EFCAB5: variants seen among roughly 807,000 people sequenced by gnomAD.
The protein encoded by EFCAB5 is EF-hand calcium binding domain 5, also known as EF-hand calcium-binding domain-containing protein 5.
EFCAB5 carries 131 observed loss-of-function variants against 167.9 expected under a neutral mutation model. The observed-to-expected ratio is 0.78, with a 90% CI of 0.68 to 0.90. The LOEUF (loss-of-function observed/expected upper bound fraction) is 0.90. Ranked by LOEUF, EFCAB5 falls within the 40% of genes least tolerant of loss-of-function variation. The probability of loss-of-function intolerance (pLI) is 0.00; values close to 1 mark genes in which losing one functional copy is unlikely to be tolerated. For synonymous variants in EFCAB5, 574 were observed against 602.8 expected, an observed-to-expected ratio of 0.95 and a Z score of 0.70; for missense variants, 1,663 against 1,745.2, an observed-to-expected ratio of 0.95 and a Z score of 0.84.
At chr17:30,052,898 G>A (rs563551241) in intron 9 of EFCAB5, among the ~76,000 whole-genome samples, 1 of 152,316 alleles carries the variant, frequency 6.6e-6, no homozygotes, top group East Asian at 1.9e-4. Context: ...CATGAAAGAT[G>A]TGTCCCTTTT....
intron 7 of EFCAB5, among the ~76,000 whole-genome samples, chr17:30,029,261 T>C (rs2069413254): frequency 6.6e-6 from 1 of 152,196 alleles, no homozygotes; most frequent in Admixed American, 6.5e-5. Flanking sequence ...AAGTAAAAAA[T>C]GCATTTAATT....
At chr17:30,011,651 A>T (rs2068904846) in intron 7 of EFCAB5, among the ~76,000 whole-genome samples, 3 of 152,028 alleles carry the variant, frequency 2.0e-5, no homozygotes, top group Admixed American at 2.0e-4. Context: ...TTGCAGATTG[A>T]TTTTTGTATC....
intron 3 of EFCAB5, among the ~76,000 whole-genome samples, chr17:29,955,174 G>A (rs1180311748): frequency 6.6e-6 from 1 of 152,150 alleles, no homozygotes; most frequent in Non-Finnish European, 1.5e-5. Context: ...AGACTTTAGG[G>A]GACTGTTGGA....
chr17:30,045,209 G>A (rs1009774874), intron 8 of EFCAB5, among the ~76,000 whole-genome samples: 1 of 152,096 alleles, frequency 6.6e-6, no homozygotes, highest in African/African-American at 2.4e-5. Context: ...TGTAATCCTA[G>A]CACTTTGGAG....
rs554031504 is a variant in EFCAB5 at position 30,092,800 on chromosome 17, C to CT, written c.4225-39dup. 507 of 1,465,282 alleles carry CT rather than the reference C, an allele frequency of 3.5e-4. 3 individuals are homozygous for CT. In the African/African-American group the frequency reaches 6.2e-3, roughly 18 times the overall value. 90.8% of individuals were successfully genotyped at this position (1,465,282 alleles called of 1,614,324 possible). A position where few individuals can be genotyped will look rare whatever the true frequency, so the allele number is the denominator to read the frequency against. ...GAACTGGGCACTGTATTTCTGCTTCCTGGTGATCCCATAAATTTTCTCTTG... is the reference window on the plus strand; with the variant it reads ...GAACTGGGCACTGTATTTCTGCTTCCTTGGTGATCCCATAAATTTTCTCTTG... On this transcript the variant is annotated intron_variant, in intron 21 of 22. Transcript: ENST00000394835.
At chr17:30,066,033 G>C (rs2070560296) in intron 14 of EFCAB5, among the ~76,000 whole-genome samples, 1 of 152,024 alleles carries the variant, frequency 6.6e-6, no homozygotes, top group South Asian at 2.1e-4. Flanking sequence ...TCTCAGCATG[G>C]GACAGATCAT....
chr17:30,047,565 A>G (rs1456372319), intron 8 of EFCAB5, among the ~76,000 whole-genome samples: 1 of 152,172 alleles, frequency 6.6e-6, no homozygotes, highest in African/African-American at 2.4e-5. Context: ...TCCAATCTCA[A>G]AGATCCAAGG....
At chr17:30,024,570 G>C (rs2069266370) in intron 7 of EFCAB5, among the ~76,000 whole-genome samples, 1 of 151,928 alleles carries the variant, frequency 6.6e-6, no homozygotes, top group Admixed American at 6.6e-5. Flanking sequence ...CATGCTCATG[G>C]GTAGGAAGAA....
intron 7 of EFCAB5, among the ~76,000 whole-genome samples, chr17:30,002,366 A>G (rs977585547): frequency 6.6e-6 from 1 of 152,296 alleles, no homozygotes; most frequent in East Asian, 1.9e-4. Flanking sequence ...ATTTTAGCAC[A>G]TGTAGATTTC....
chr17:30,096,029 T>C (rs2071281586), intron 22 of EFCAB5, among the ~76,000 whole-genome samples: 1 of 152,234 alleles, frequency 6.6e-6, no homozygotes, highest in African/African-American at 2.4e-5. Context: ...ACAGATTTCC[T>C]TTGTCCTGGC....
chr17:30,059,090 C>G (rs1048177724), intron 13 of EFCAB5: 1 of 151,444 alleles, frequency 6.6e-6, no homozygotes, highest in African/African-American at 2.4e-5. Context: ...GGTTGTATAC[C>G]AACTTTAGTG....
intron 18 of EFCAB5, among the ~76,000 whole-genome samples, chr17:30,085,382 G>A (rs1396882907): frequency 6.6e-6 from 1 of 152,176 alleles, no homozygotes; most frequent in Non-Finnish European, 1.5e-5. Flanking sequence ...ACTGCATCAG[G>A]CACAATAATG....
At chr17:29,957,984 C>A (rs1030431687) in intron 3 of EFCAB5, among the ~76,000 whole-genome samples, 2 of 152,154 alleles carry the variant, frequency 1.3e-5, no homozygotes, top group African/African-American at 4.8e-5. Flanking sequence ...TTCTCCACAG[C>A]CTTGCCAGCA....
intron 4 of EFCAB5, among the ~76,000 whole-genome samples, chr17:29,986,927 G>A (rs7221609): frequency 0.06 from 9,096 of 151,996 alleles, 516 homozygotes; most frequent in African/African-American, 0.15. Flanking sequence ...GATTACAGGC[G>A]TGAGCCACCG....
intron 22 of EFCAB5, among the ~76,000 whole-genome samples, chr17:30,104,249 T>G (rs140528970): frequency 6.6e-6 from 1 of 152,316 alleles, no homozygotes; most frequent in African/African-American, 2.4e-5. Flanking sequence ...GCTTAAGTAC[T>G]TCTTTCTTTT....
intron 8 of EFCAB5, among the ~76,000 whole-genome samples, chr17:30,046,494 G>A (rs1274490824): frequency 1.3e-5 from 2 of 152,152 alleles, no homozygotes; most frequent in Admixed American, 1.3e-4. Context: ...TCTATTTCTT[G>A]TAGCTTCAGG....
chr17:29,984,582 G>A (rs901973341), intron 4 of EFCAB5, among the ~76,000 whole-genome samples: 1 of 152,112 alleles, frequency 6.6e-6, no homozygotes, highest in East Asian at 1.9e-4. Flanking sequence ...AGCCAGACTG[G>A]TAGTGGGCAC....
At chr17:29,996,449 A>T in intron 6 of EFCAB5, 89 bp downstream of exon 6, 1 of 1,159,256 alleles carries the variant, frequency 8.6e-7, no homozygotes, top group Non-Finnish European at 1.2e-6. Context: ...AACATGAGAC[A>T]GATGTTATTC....
chr17:29,964,992 T>G (rs953650237), intron 3 of EFCAB5, among the ~76,000 whole-genome samples: 1 of 151,752 alleles, frequency 6.6e-6, no homozygotes, highest in Non-Finnish European at 1.5e-5. Flanking sequence ...AGCTCTGCCT[T>G]CCGGGTTCAC....
Sources: allele counts gnomAD v4.1 joint callset (sites outside exome capture counted in the v4.1 genomes callset), GRCh38; gene constraint gnomAD v4.1.1; transcripts MANE v1.5; gene names NCBI Gene and HGNC (gene_info 2026-07-23, HGNC 2026-07-21).